Variants in TMCC3 observed in about 807,000 individuals in gnomAD.
TMCC3 encodes transmembrane and coiled-coil domain protein 3.
In TMCC3, 28 loss-of-function variants were observed where a neutral mutation model predicts 40.2. The ratio of observed to expected loss-of-function variants is 0.70; its 90% CI spans 0.52 to 0.95. The LOEUF (loss-of-function observed/expected upper bound fraction) is 0.95. Among genes scored for constraint, TMCC3 ranks in the 40% least tolerant of loss-of-function variants. TMCC3 has a pLI of 0.00. For synonymous variants in TMCC3, 255 were observed against 248.5 expected, an observed-to-expected ratio of 1.03 and a Z score of -0.25; for missense variants, 554 against 615.2, an observed-to-expected ratio of 0.90 and a Z score of 1.05.
At chr12:94,600,793 A>G (rs188475183) in intron 1 of TMCC3, among the ~76,000 whole-genome samples, 285 of 152,194 alleles carry the variant, frequency 1.9e-3, no homozygotes, top group Non-Finnish European at 3.3e-3. Flanking sequence ...GCTCTTATAT[A>G]TACTGTTAGG....
chr12:94,600,642 C>A (rs1036507736), intron 1 of TMCC3, among the ~76,000 whole-genome samples: 3 of 152,216 alleles, frequency 2.0e-5, no homozygotes, highest in African/African-American at 7.2e-5. Flanking sequence ...TCTGGACTTT[C>A]TGTTTCACCT....
chr12:94,598,639 T>G, intron 1 of TMCC3: 2 of 985,406 alleles, frequency 2.0e-6, no homozygotes, highest in Non-Finnish European at 2.4e-6. Flanking sequence ...AACTCCCTCT[T>G]TGGCTAAAGC....
At chr12:94,592,362 G>A (rs1044412964) in intron 1 of TMCC3, among the ~76,000 whole-genome samples, 11 of 151,864 alleles carry the variant, frequency 7.2e-5, no homozygotes, top group East Asian at 1.9e-4. Context: ...ATTTCCGGCC[G>A]GGCGCAGTGG....
At chr12:94,601,835 A>AAG (rs1207241781) in intron 1 of TMCC3, among the ~76,000 whole-genome samples, 3 of 150,100 alleles carry the variant, frequency 2.0e-5, no homozygotes, top group South Asian at 2.1e-4. Flanking sequence ...AAAAAAAAAA[A>AAG]AGAGAAGAAA....
rs2068504585 is a variant in TMCC3, at chr12:94,567,974, T to C, written c.*3461A>G. 6.6e-6 allele frequency: 1 copy of C among 152,024 alleles called. No individual in the cohort carries two copies. The highest frequency in any genetic ancestry group is 1.5e-5 in the Non-Finnish European group (1 of 68,020). 9.4% of individuals were successfully genotyped at this position (152,024 alleles called of 1,614,324 possible). ...AATTAAACCTGATATGCTAGAGAAA[T>C]GGCAAGGCAATAAACACAGAGTGGG... On this transcript the variant is annotated 3_prime_UTR_variant, in exon 4 of 4. Coordinates refer to ENST00000261226, the MANE Select transcript of TMCC3 (RefSeq NM_020698.4).
intron 3 of TMCC3, among the ~76,000 whole-genome samples, chr12:94,573,363 C>A (rs1035223772): frequency 2.0e-5 from 3 of 152,196 alleles, no homozygotes; most frequent in Non-Finnish European, 4.4e-5. Context: ...CCTATACACT[C>A]TTTTGTTCCC....
At chr12:94,648,597 G>C (rs1351885362) in intron 1 of TMCC3, among the ~76,000 whole-genome samples, 1 of 152,320 alleles carries the variant, frequency 6.6e-6, no homozygotes, top group Non-Finnish European at 1.5e-5. Context: ...GACTGGCGTA[G>C]ACAGGCAACA....
At chr12:94,610,744 A>C (rs1385502170) in intron 1 of TMCC3, among the ~76,000 whole-genome samples, 2 of 152,230 alleles carry the variant, frequency 1.3e-5, no homozygotes, top group Non-Finnish European at 2.9e-5. Context: ...AAGAGAGAAA[A>C]GCAAGACGCA....
intron 1 of TMCC3, among the ~76,000 whole-genome samples, chr12:94,631,073 C>T (rs1594296045): frequency 6.6e-6 from 1 of 152,164 alleles, no homozygotes; most frequent in Non-Finnish European, 1.5e-5. Context: ...AAAAGCATAA[C>T]CACTTGACAT....
chr12:94,650,379 CG>C lies in TMCC3; in HGVS notation c.51del (p.Gly18AlafsTer10). 5 of 1,344,562 alleles carry C rather than the reference CG, an allele frequency of 3.7e-6. No homozygotes were observed. The highest frequency in any genetic ancestry group is 3.8e-6 in the Non-Finnish European group (4 of 1,041,254). The allele number at this position is 1,344,562 out of a possible 1,614,324, so 83.3% of individuals were successfully genotyped here. On this transcript the variant is annotated frameshift_variant, in exon 1 of 4. Coordinates refer to ENST00000261226, the MANE Select transcript of TMCC3 (RefSeq NM_020698.4). LOFTEE classifies it high-confidence loss of function. ...CGGCTCTTGCAGCGGTGGTGCCGGC[CG>C]GGGTACGAGTAGGTCCGGTCCACGG... The part of the protein sequence containing the change: ...ALTVDRTYSY[P>X]GRHHRCKSRV...
At chr12:94,588,049 C>T (rs896366260) in intron 1 of TMCC3, among the ~76,000 whole-genome samples, 10 of 152,154 alleles carry the variant, frequency 6.6e-5, no homozygotes, top group African/African-American at 2.2e-4. Context: ...GCCTGAGTCC[C>T]GGACAGACGT....
chr12:94,568,736 A>C lies in TMCC3; in HGVS notation c.*2699T>G, dbSNP rs952800447. On this transcript the variant is annotated 3_prime_UTR_variant, in exon 4 of 4. Transcript: ENST00000261226. ...ATCTTATTAAAAAGTACAAAGTTTC[A>C]TGAACTTTCAACAAGACTGCAAAAT... 1.3e-5 allele frequency: 2 copies of C among 152,242 alleles called. No individual in the cohort carries two copies. Among genetic ancestry groups the C allele is most frequent in the African/African-American group, 4.8e-5 (2 of 41,460 alleles). 9.4% of individuals were successfully genotyped at this position (152,242 alleles called of 1,614,324 possible).
chr12:94,577,390 T>G (rs973573412), intron 3 of TMCC3, among the ~76,000 whole-genome samples: 1 of 151,938 alleles, frequency 6.6e-6, no homozygotes, highest in Non-Finnish European at 1.5e-5. Context: ...GGGTTTCACC[T>G]TGTTAGCCAG....
In TMCC3 at chr12:94,570,509, C is replaced by T. The variant is rs924650565; in HGVS notation, c.*926G>A. 4 of 152,228 alleles carry T rather than the reference C, an allele frequency of 2.6e-5. No individual in the cohort carries two copies. Among genetic ancestry groups the T allele is most frequent in the African/African-American group, 9.6e-5 (4 of 41,456 alleles). The allele number at this position is 152,228 out of a possible 1,614,324, so 9.4% of individuals were successfully genotyped here. A position where few individuals can be genotyped will look rare whatever the true frequency, so the allele number is the denominator to read the frequency against. On this transcript the variant is annotated 3_prime_UTR_variant, in exon 4 of 4. Coordinates refer to ENST00000261226, the MANE Select transcript of TMCC3 (RefSeq NM_020698.4). ...TGGTGGCTTGTGCCTGCAGTCCCGG[C>T]TGCTTGGGAGGCTGAGGTGGGAGGA...
At chr12:94,628,788 G>A (rs1178500652) in intron 1 of TMCC3, among the ~76,000 whole-genome samples, 3 of 152,170 alleles carry the variant, frequency 2.0e-5, no homozygotes, top group South Asian at 2.1e-4. Flanking sequence ...CCATAAGCGC[G>A]TGACTTTTGT....
chr12:94,647,724 C>A (rs994727558), intron 1 of TMCC3, among the ~76,000 whole-genome samples: 26 of 152,204 alleles, frequency 1.7e-4, no homozygotes, highest in Non-Finnish European at 1.5e-5. Flanking sequence ...GAAAACATAT[C>A]TTTACAGCTG....
At chr12:94,593,916 G>A (rs1279738741) in intron 1 of TMCC3, among the ~76,000 whole-genome samples, 1 of 152,162 alleles carries the variant, frequency 6.6e-6, no homozygotes, top group Non-Finnish European at 1.5e-5. Flanking sequence ...CAGCAAGAAT[G>A]TCCCTTGAAA....
intron 1 of TMCC3, among the ~76,000 whole-genome samples, chr12:94,610,720 C>G (rs2068811163): frequency 6.6e-6 from 1 of 152,150 alleles, no homozygotes; most frequent in African/African-American, 2.4e-5. Flanking sequence ...GGAAGCTATT[C>G]AATCTAAACT....
At chr12:94,588,175 C>G (rs2068649203) in intron 1 of TMCC3, among the ~76,000 whole-genome samples, 1 of 152,188 alleles carries the variant, frequency 6.6e-6, no homozygotes, top group South Asian at 2.1e-4. Context: ...ACCAGTGCGG[C>G]TTGGACACAC....
Sources: gnomAD v4.1 joint callset for allele counts (sites outside exome capture counted in the v4.1 genomes callset) on GRCh38, gnomAD v4.1.1 for gene constraint, MANE v1.5 for transcripts, NCBI Gene and HGNC (gene_info 2026-07-23, HGNC 2026-07-21) for gene names.